Variants in TIAM1 observed in about 807,000 individuals in gnomAD.
TIAM1 encodes the protein TIAM Rac1 associated GEF 1, also known as rho guanine nucleotide exchange factor TIAM1.
TIAM1 carries 65 observed loss-of-function variants against 163.5 expected under a neutral mutation model. The observed-to-expected ratio is 0.40, with a 90% CI of 0.33 to 0.49. TIAM1 has a LOEUF of 0.49. TIAM1 is among the 20% of genes least tolerant of loss of function. TIAM1 has a pLI of 0.77. For missense variants in TIAM1, 1,789 were observed against 2,044.7 expected, an observed-to-expected ratio of 0.87 and a Z score of 2.41; for synonymous variants, 833 against 810.1, an observed-to-expected ratio of 1.03 and a Z score of -0.48.
At chr21:31,510,813 T>TC (rs2047188799) in intron 1 of TIAM1, among the ~76,000 whole-genome samples, 1 of 87,556 alleles carries the variant, frequency 1.1e-5, no homozygotes, top group African/African-American at 3.8e-5. Flanking sequence ...AAACTCCATC[T>TC]CAAAAAAAAA....
chr21:31,436,739 T>C (rs1465879315), intron 2 of TIAM1, among the ~76,000 whole-genome samples: 4 of 151,918 alleles, frequency 2.6e-5, no homozygotes, highest in Non-Finnish European at 4.4e-5. Flanking sequence ...AGGCAGATCG[T>C]CTGAGGTTAG....
chr21:31,531,668 G>A (rs546993851), intron 1 of TIAM1, among the ~76,000 whole-genome samples: 12 of 151,480 alleles, frequency 7.9e-5, no homozygotes, highest in South Asian at 2.1e-4. Flanking sequence ...GAGAAGGGAA[G>A]GGAATAATCT....
chr21:31,162,921 A>C (rs1264834622), intron 16 of TIAM1, among the ~76,000 whole-genome samples: 1 of 152,134 alleles, frequency 6.6e-6, no homozygotes, highest in Non-Finnish European at 1.5e-5. Flanking sequence ...TGGAAAAAGA[A>C]CCACGGAGTC....
At chr21:31,321,578 T>A (rs2075314641) in intron 2 of TIAM1, among the ~76,000 whole-genome samples, 1 of 151,210 alleles carries the variant, frequency 6.6e-6, no homozygotes, top group Non-Finnish European at 1.5e-5. Flanking sequence ...CTCAAACTCC[T>A]GACCTCAGGT....
intron 1 of TIAM1, among the ~76,000 whole-genome samples, chr21:31,499,876 A>G (rs573323896): frequency 2.4e-4 from 36 of 148,734 alleles, no homozygotes; most frequent in African/African-American, 8.6e-4. Context: ...AAGAAAACAA[A>G]AAAAAAAACA....
intron 1 of TIAM1, among the ~76,000 whole-genome samples, chr21:31,547,543 G>T (rs140878016): frequency 6.6e-6 from 1 of 152,158 alleles, no homozygotes; most frequent in Non-Finnish European, 1.5e-5. Context: ...TAAGGAATTC[G>T]ATTGCTAAAT....
At chr21:31,515,772 T>C (rs1380305435) in intron 1 of TIAM1, among the ~76,000 whole-genome samples, 1 of 152,090 alleles carries the variant, frequency 6.6e-6, no homozygotes, top group East Asian at 1.9e-4. Context: ...GAAAAATTAA[T>C]ATGTGGCTCC....
intron 1 of TIAM1, among the ~76,000 whole-genome samples, chr21:31,525,378 A>T (rs1318210708): frequency 6.6e-6 from 1 of 151,970 alleles, no homozygotes; most frequent in African/African-American, 2.4e-5. Context: ...AAAAAAAAAA[A>T]AAAAAATCAG....
chr21:31,520,295 C>T (rs2047537344), intron 1 of TIAM1, among the ~76,000 whole-genome samples: 1 of 149,672 alleles, frequency 6.7e-6, no homozygotes, highest in Non-Finnish European at 1.5e-5. Context: ...CGCGCCATTG[C>T]ACTCCAGCCT....
chr21:31,458,032 G>A (rs2045173532), intron 2 of TIAM1, among the ~76,000 whole-genome samples: 1 of 152,174 alleles, frequency 6.6e-6, no homozygotes, highest in African/African-American at 2.4e-5. Flanking sequence ...TAGACCAGGG[G>A]ACTAGGGAGG....
chr21:31,224,750 C>A (rs58793558), intron 7 of TIAM1, among the ~76,000 whole-genome samples: 18,551 of 152,098 alleles, frequency 0.12, 3,600 homozygotes, highest in African/African-American at 0.41. Context: ...TGTCAGGTAA[C>A]AAAGGGAAAC....
intron 2 of TIAM1, among the ~76,000 whole-genome samples, chr21:31,399,252 A>AT (rs534140134): frequency 2.6e-5 from 4 of 151,408 alleles, no homozygotes; most frequent in South Asian, 4.2e-4. Context: ...CAAGGAAATT[A>AT]TTTTTTTTTA....
At chr21:31,551,799 T>C (rs1290502180) in intron 1 of TIAM1, among the ~76,000 whole-genome samples, 1 of 151,600 alleles carries the variant, frequency 6.6e-6, no homozygotes, top group East Asian at 2.0e-4. Flanking sequence ...AGGAAGTAGG[T>C]GAGATGCAAT....
chr21:31,234,642 A>T (rs1037787854), intron 6 of TIAM1, among the ~76,000 whole-genome samples: 4 of 151,952 alleles, frequency 2.6e-5, no homozygotes, highest in African/African-American at 9.7e-5. Context: ...TTAGCAAAGC[A>T]TGGTGGTGTG....
intron 2 of TIAM1, among the ~76,000 whole-genome samples, chr21:31,305,714 G>A (rs760601004): frequency 6.6e-6 from 1 of 152,130 alleles, no homozygotes; most frequent in Admixed American, 6.5e-5. Flanking sequence ...GCCTGGAGGC[G>A]CAGAGCTACC....
intron 4 of TIAM1, among the ~76,000 whole-genome samples, chr21:31,254,264 C>T (rs1014913130): frequency 1.3e-5 from 2 of 152,230 alleles, no homozygotes; most frequent in Non-Finnish European, 2.9e-5. Context: ...TGATTGACAG[C>T]CTGCGGCTTA....
chr21:31,235,891 A>C lies in TIAM1; in HGVS notation c.1584+9597T>G, dbSNP rs543825643. On this transcript the variant is annotated intron_variant, in intron 6 of 27. Transcript: ENST00000541036. The stretch of plus-strand genomic sequence containing the variant: ...AAATCTAGCTGATTTCCAGCCTTGT[A>C]TATTCATTTTGCACTTCAACATCCA... Among the ~76,000 whole-genome samples, 4 of 152,322 alleles carry C rather than the reference A, an allele frequency of 2.6e-5. No individual in the cohort carries two copies. The East Asian group carries it at 7.7e-4, about 29-fold the overall frequency.
intron 2 of TIAM1, among the ~76,000 whole-genome samples, chr21:31,373,219 G>A (rs542320047): frequency 6.6e-6 from 1 of 152,334 alleles, no homozygotes; most frequent in South Asian, 2.1e-4. Flanking sequence ...GAGCCCGAGA[G>A]GCAGAGGTTG....
At chr21:31,446,587 T>A (rs1429999813) in intron 2 of TIAM1, among the ~76,000 whole-genome samples, 1 of 152,168 alleles carries the variant, frequency 6.6e-6, no homozygotes, top group Non-Finnish European at 1.5e-5. Flanking sequence ...AGTATGAATA[T>A]GAAAGATGCA....
Sources: allele counts gnomAD v4.1 joint callset (sites outside exome capture counted in the v4.1 genomes callset), GRCh38; gene constraint gnomAD v4.1.1; transcripts MANE v1.5; gene names NCBI Gene and HGNC (gene_info 2026-07-23, HGNC 2026-07-21).